Variants in RIT2 observed in about 807,000 individuals in gnomAD.
RIT2 encodes the protein Ras like without CAAX 2.
RIT2 carries 24 observed loss-of-function variants against 23.7 expected under a neutral mutation model. That is an observed-to-expected ratio of 1.01 (90% CI 0.73 to 1.43). RIT2 has a LOEUF of 1.43. RIT2 is among the 40% of genes most tolerant of loss of function. RIT2 has a pLI of 0.00. For missense variants in RIT2, 236 were observed against 266.9 expected, an observed-to-expected ratio of 0.88 and a Z score of 0.81; for synonymous variants, 107 against 91.1, an observed-to-expected ratio of 1.17 and a Z score of -0.99.
rs199992992 is a variant in RIT2, at chr18:42,989,891, CTT to C, written c.161-15746_161-15745del. 8.7e-3 allele frequency among the ~76,000 whole-genome samples: 1,325 copies of C among 151,990 alleles called. 26 individuals carry two copies. The highest frequency in any genetic ancestry group is 0.031 in the African/African-American group (1,271 of 41,454). On this transcript the variant is annotated intron_variant, in intron 2 of 4. Coordinates refer to ENST00000326695, the MANE Select transcript of RIT2 (RefSeq NM_002930.4). The stretch of plus-strand genomic sequence containing the variant: ...TTTTAGGTAACTATTTCATAGTTTA[CTT>C]TTTGTACTAGTCAGGGTTATCCAGA...
intron 1 of RIT2, among the ~76,000 whole-genome samples, chr18:43,075,505 C>G (rs62092708): frequency 8.5e-5 from 13 of 152,230 alleles, no homozygotes; most frequent in Non-Finnish European, 1.9e-4. Flanking sequence ...CAGTACTAAG[C>G]ATACTCAATG....
chr18:42,830,650 G>A (rs1295200844), intron 4 of RIT2, among the ~76,000 whole-genome samples: 1 of 152,130 alleles, frequency 6.6e-6, no homozygotes, highest in African/African-American at 2.4e-5. Context: ...GCTGAAAACA[G>A]GGCTGCCAAA....
chr18:43,070,512 A>C (rs190482454), intron 1 of RIT2, among the ~76,000 whole-genome samples: 1 of 152,340 alleles, frequency 6.6e-6, no homozygotes, highest in African/African-American at 2.4e-5. Context: ...CAAACAGCAA[A>C]GTGCCATTTC....
chr18:42,743,660 AG>A lies in RIT2; in HGVS notation c.486del (p.Ser163LeufsTer15), dbSNP rs1165717942. The A allele has an allele frequency of 3.1e-6, 5 of 1,614,074 alleles. No homozygotes were observed. The highest frequency in any genetic ancestry group is 4.2e-6 in the Non-Finnish European group (5 of 1,179,988). On this transcript the variant is annotated frameshift_variant, in exon 5 of 5. Coordinates refer to ENST00000326695, the MANE Select transcript of RIT2 (RefSeq NM_002930.4). LOFTEE classifies it high-confidence loss of function. The part of the protein sequence containing the change: ...AQEYNCGFFE[T>X]SAALRFCIDD... ...TCAATACAGAATCTGAGGGCTGCAGAGGTCTCAAAAAAACCACAATTATATT... is the reference window on the plus strand; with the variant it reads ...TCAATACAGAATCTGAGGGCTGCAGAGTCTCAAAAAAACCACAATTATATT...
intron 4 of RIT2, among the ~76,000 whole-genome samples, chr18:42,828,165 G>T (rs1260289172): frequency 6.6e-6 from 1 of 152,116 alleles, no homozygotes; most frequent in East Asian, 1.9e-4. Context: ...CTGCTGGCAA[G>T]ACCATGAATT....
At chr18:42,951,128 A>G (rs910268108) in intron 3 of RIT2, among the ~76,000 whole-genome samples, 1 of 152,104 alleles carries the variant, frequency 6.6e-6, no homozygotes, top group Admixed American at 6.6e-5. Flanking sequence ...CATGTTCATC[A>G]TGGCATTATT....
At chr18:42,880,747 T>C (rs184749636) in intron 4 of RIT2, among the ~76,000 whole-genome samples, 12 of 151,944 alleles carry the variant, frequency 7.9e-5, no homozygotes, top group Admixed American at 2.0e-4. Flanking sequence ...TGTTTCGGAA[T>C]GGTGATTTTA....
intron 1 of RIT2, among the ~76,000 whole-genome samples, chr18:43,083,543 T>C (rs1913208589): frequency 6.6e-6 from 1 of 152,056 alleles, no homozygotes; most frequent in Admixed American, 6.5e-5. Context: ...CATAGACCAA[T>C]GGAACAGAAC....
intron 2 of RIT2, among the ~76,000 whole-genome samples, chr18:43,005,809 A>T (rs965028131): frequency 1.3e-4 from 19 of 151,796 alleles, no homozygotes; most frequent in Admixed American, 5.3e-4. Flanking sequence ...ACAGAAACAG[A>T]GGTAGACAAC....
At chr18:42,931,699 T>C (rs1408207806) in intron 3 of RIT2, among the ~76,000 whole-genome samples, 1 of 152,162 alleles carries the variant, frequency 6.6e-6, no homozygotes, top group Non-Finnish European at 1.5e-5. Context: ...GGGAGCTGTT[T>C]TCCTGCCGAT....
At chr18:42,953,426 T>C (rs1431099559) in intron 3 of RIT2, among the ~76,000 whole-genome samples, 2 of 152,064 alleles carry the variant, frequency 1.3e-5, no homozygotes, top group Non-Finnish European at 2.9e-5. Context: ...GATACAGAGG[T>C]AAGGCCAGGA....
intron 2 of RIT2, among the ~76,000 whole-genome samples, chr18:42,997,114 T>C (rs7231449): frequency 0.95 from 144,994 of 152,182 alleles, 69,454 homozygotes; most frequent in East Asian, 1. Context: ...CAAGGACACA[T>C]AGCTACTGAT....
intron 4 of RIT2, among the ~76,000 whole-genome samples, chr18:42,847,562 T>A (rs1906944212): frequency 6.6e-6 from 1 of 152,116 alleles, no homozygotes. Context: ...CACCCCAAGA[T>A]GGTTGCGTCA....
intron 4 of RIT2, among the ~76,000 whole-genome samples, chr18:42,744,183 AC>A (rs1386596123): frequency 6.6e-6 from 1 of 151,466 alleles, no homozygotes; most frequent in East Asian, 2.0e-4. Flanking sequence ...AAATGGCCCC[AC>A]CCCATCTCCC....
At chr18:42,920,655 G>A in intron 4 of RIT2, 1 of 1,383,308 alleles carries the variant, frequency 7.2e-7, no homozygotes, top group Non-Finnish European at 1.0e-6. Context: ...AGGGCCCTGG[G>A]ATTTCCCAAA....
At chr18:43,014,790 T>G (rs189164867) in intron 2 of RIT2, among the ~76,000 whole-genome samples, 34 of 151,770 alleles carry the variant, frequency 2.2e-4, no homozygotes, top group Admixed American at 1.5e-3. Context: ...AGTTAATCTA[T>G]TGAAAAGAAA....
chr18:42,992,514 C>A (rs1437904178), intron 2 of RIT2, among the ~76,000 whole-genome samples: 1 of 152,100 alleles, frequency 6.6e-6, no homozygotes, highest in Non-Finnish European at 1.5e-5. Context: ...CCTTCCTTTT[C>A]TACAGACCCA....
intron 3 of RIT2, among the ~76,000 whole-genome samples, chr18:42,928,288 GAT>G (rs1434256882): frequency 6.6e-6 from 1 of 151,988 alleles, no homozygotes; most frequent in Non-Finnish European, 1.5e-5. Context: ...TAATAATTAA[GAT>G]CTAAATGAAC....
intron 4 of RIT2, among the ~76,000 whole-genome samples, chr18:42,912,193 C>G (rs548821898): frequency 6.6e-6 from 1 of 151,168 alleles, no homozygotes; most frequent in East Asian, 1.9e-4. Flanking sequence ...CTTATTATAT[C>G]ATTTACTACA....
Sources: allele counts gnomAD v4.1 joint callset (sites outside exome capture counted in the v4.1 genomes callset), GRCh38; gene constraint gnomAD v4.1.1; transcripts MANE v1.5; gene names NCBI Gene and HGNC (gene_info 2026-07-23, HGNC 2026-07-21).